PHACTR3: variants seen among roughly 807,000 people sequenced by gnomAD.
PHACTR3 encodes phosphatase and actin regulator 3, also known as protein phosphatase 1, regulatory subunit 123.
A neutral mutation model predicts 66.8 loss-of-function variants in PHACTR3; 16 were observed. The ratio of observed to expected loss-of-function variants is 0.24; its 90% confidence interval spans 0.16 to 0.36. The LOEUF is 0.36. PHACTR3 is among the 10% of genes least tolerant of loss of function. PHACTR3 has a pLI of 1.00. For synonymous variants in PHACTR3, 323 were observed against 292.1 expected, an observed-to-expected ratio of 1.11 and a Z score of -1.08; for missense variants, 647 against 719.9, an observed-to-expected ratio of 0.90 and a Z score of 1.16.
chr20:59,688,515 C>T (rs1048112108), intron 1 of PHACTR3, among the ~76,000 whole-genome samples: 6 of 152,164 alleles, frequency 3.9e-5, no homozygotes, highest in African/African-American at 1.4e-4. Context: ...TGTCAGTGAT[C>T]ATGTTTCTCT....
At chr20:59,819,124 G>A (rs982308616) in intron 8 of PHACTR3, among the ~76,000 whole-genome samples, 2 of 152,148 alleles carry the variant, frequency 1.3e-5, no homozygotes, top group Non-Finnish European at 2.9e-5. Context: ...AATGGTGGGG[G>A]CTGGGCGCAG....
chr20:59,648,192 C>T (rs532130626), intron 1 of PHACTR3, among the ~76,000 whole-genome samples: 3 of 152,340 alleles, frequency 2.0e-5, no homozygotes, highest in South Asian at 2.1e-4. Context: ...TTATACTGTT[C>T]ACCATTGCTT....
At chr20:59,601,225 C>T (rs955716066), upstream of PHACTR3, among the ~76,000 whole-genome samples, 1 of 152,202 alleles carries the variant, frequency 6.6e-6, no homozygotes, top group Admixed American at 6.5e-5. Context: ...TGGCACGTGG[C>T]CTTCTGCCAC....
intron 7 of PHACTR3, among the ~76,000 whole-genome samples, chr20:59,800,143 A>G (rs894600573): frequency 7.2e-5 from 11 of 152,206 alleles, no homozygotes; most frequent in African/African-American, 2.7e-4. Context: ...CACTCATGTT[A>G]TAAACCTCAT....
chr20:59,589,156 C>T lies in PHACTR3; in HGVS notation c.109+11539C>T, dbSNP rs1462426552. Reference sequence around the variant, plus strand: ...GTAATCTTTGTTACACCCCAAGTTGCGGGACGGCAGAGCCCTCTGCCAAAT... The same window carrying T: ...GTAATCTTTGTTACACCCCAAGTTGTGGGACGGCAGAGCCCTCTGCCAAAT... On this transcript the variant is annotated intron_variant, in intron 1 of 12. Coordinates refer to the PHACTR3 transcript ENST00000359926. 8.5e-5 allele frequency among the ~76,000 whole-genome samples: 13 copies of T among 152,318 alleles called. No homozygotes were observed. In the East Asian group the frequency reaches 1.9e-3, roughly 23 times the overall value.
At chr20:59,705,959 G>A (rs142670558) in intron 1 of PHACTR3, among the ~76,000 whole-genome samples, 22 of 152,312 alleles carry the variant, frequency 1.4e-4, no homozygotes, top group African/African-American at 4.8e-4. Context: ...TGGGGGTGTG[G>A]TTGACTCAGA....
chr20:59,706,515 C>G (rs1270241939), intron 1 of PHACTR3, among the ~76,000 whole-genome samples: 1 of 152,206 alleles, frequency 6.6e-6, no homozygotes, highest in Non-Finnish European at 1.5e-5. Context: ...ATCAACCCAC[C>G]ACCCAGAGAA....
chr20:59,770,455 G>C (rs1366340731), intron 5 of PHACTR3, among the ~76,000 whole-genome samples: 1 of 152,198 alleles, frequency 6.6e-6, no homozygotes, highest in Non-Finnish European at 1.5e-5. Context: ...TGCTGCAGGA[G>C]GGACCCTGGC....
At chr20:59,700,785 T>C (rs1194616903) in intron 1 of PHACTR3, among the ~76,000 whole-genome samples, 2 of 149,888 alleles carry the variant, frequency 1.3e-5, no homozygotes, top group Non-Finnish European at 2.9e-5. Flanking sequence ...ACTTTTTTTG[T>C]TTTGTTTTTT....
intron 8 of PHACTR3, among the ~76,000 whole-genome samples, chr20:59,816,143 A>T (rs1159500377): frequency 6.6e-6 from 1 of 151,826 alleles, no homozygotes; most frequent in East Asian, 1.9e-4. Context: ...AGGTGATGGG[A>T]AACAGGGATG....
upstream of PHACTR3, among the ~76,000 whole-genome samples, chr20:59,602,998 C>A (rs2033523873): frequency 6.6e-6 from 1 of 152,206 alleles, no homozygotes; most frequent in Admixed American, 6.5e-5. Context: ...ACCACAGTAG[C>A]TCTCACCTAC....
intron 1 of PHACTR3, among the ~76,000 whole-genome samples, chr20:59,660,321 C>T (rs1409659820): frequency 5.9e-5 from 9 of 152,244 alleles, no homozygotes; most frequent in Middle Eastern, 3.4e-3. Flanking sequence ...GGTGAAACCC[C>T]GTCTCTACTA....
intron 3 of PHACTR3, among the ~76,000 whole-genome samples, chr20:59,750,197 T>G (rs1399120677): frequency 6.6e-6 from 1 of 150,844 alleles, no homozygotes; most frequent in East Asian, 2.0e-4. Flanking sequence ...CCTAAGATCA[T>G]GAGACAGGAC....
At chr20:59,777,240 TCTC>T (rs1176726511) in intron 7 of PHACTR3, among the ~76,000 whole-genome samples, 1 of 152,196 alleles carries the variant, frequency 6.6e-6, no homozygotes, top group Admixed American at 6.5e-5. Context: ...TCCTGGATGA[TCTC>T]CTCATCTAGA....
intron 1 of PHACTR3, among the ~76,000 whole-genome samples, chr20:59,642,419 C>T (rs2035137615): frequency 6.6e-6 from 1 of 151,472 alleles, no homozygotes; most frequent in African/African-American, 2.4e-5. Flanking sequence ...TCCCCCCACC[C>T]CCACCCCAGA....
intron 4 of PHACTR3, among the ~76,000 whole-genome samples, chr20:59,755,828 A>G (rs1038814932): frequency 3.9e-5 from 6 of 152,176 alleles, no homozygotes; most frequent in Non-Finnish European, 1.5e-5. Context: ...GCATGTGTGC[A>G]TGCCTGGGAG....
intron 1 of PHACTR3, among the ~76,000 whole-genome samples, chr20:59,725,128 T>C (rs1255064026): frequency 6.6e-6 from 1 of 150,560 alleles, no homozygotes; most frequent in Non-Finnish European, 1.5e-5. Flanking sequence ...TCAGTGAGGC[T>C]ATGCACTCAG....
rs1555881160 is a variant in PHACTR3 at position 59,635,149 on chromosome 20, T to TTCTC, written c.118+30018_118+30019insCTCT. Reference sequence around the variant, plus strand: ...TTTCTTTCTTTCTTTCTTTCTTTCTTTTTCTTTCTTTCTTTCTTTCCTTTC... The same window carrying TTCTC: ...TTTCTTTCTTTCTTTCTTTCTTTCTTTCTCTTTCTTTCTTTCTTTCTTTCCTTTC... On this transcript the variant is annotated intron_variant, in intron 1 of 12. Transcript: ENST00000371015. Among the ~76,000 whole-genome samples the TTCTC allele has an allele frequency of 2.2e-4, 13 of 60,376 alleles. 1 individual carries two copies. The highest frequency in any genetic ancestry group is 8.6e-4 in the African/African-American group (13 of 15,174). 39.6% of individuals were successfully genotyped at this position (60,376 alleles called of 152,430 possible).
At position 59,663,175 on chromosome 20, in the gene PHACTR3, C is replaced by T. The variant is rs71321549; in HGVS notation, c.118+58043C>T. On this transcript the variant is annotated intron_variant, in intron 1 of 12. Transcript: ENST00000371015. ...ATCCTCTCCTCCTCTTAGAATGACACAGTCATTGGGTTTAGGACCCACCAT... is the reference window on the plus strand; with the variant it reads ...ATCCTCTCCTCCTCTTAGAATGACATAGTCATTGGGTTTAGGACCCACCAT... Among the ~76,000 whole-genome samples, 159 of 152,348 alleles carry T rather than the reference C, an allele frequency of 1.0e-3. 2 individuals carry two copies. The highest frequency in any genetic ancestry group is 1.7e-3 in the Non-Finnish European group (117 of 68,026).
Sources: gnomAD v4.1 joint callset for allele counts (sites outside exome capture counted in the v4.1 genomes callset) on GRCh38, gnomAD v4.1.1 for gene constraint, MANE v1.5 for transcripts, NCBI Gene and HGNC (gene_info 2026-07-23, HGNC 2026-07-21) for gene names.